MMP16: variants seen among roughly 807,000 people sequenced by gnomAD.
The protein encoded by MMP16 is matrix metalloproteinase-16.
MMP16 carries 12 observed loss-of-function variants against 67.8 expected under a neutral mutation model. The observed-to-expected ratio is 0.18, with a 90% CI of 0.11 to 0.29. MMP16 has a LOEUF of 0.29. Ranked by LOEUF, MMP16 falls within the 10% of genes least tolerant of loss-of-function variation. The probability of loss-of-function intolerance (pLI) is 1.00; values close to 1 mark genes in which losing one functional copy is unlikely to be tolerated. For missense variants in MMP16, 475 were observed against 765.7 expected (o/e 0.62, Z 4.48); for synonymous variants, 249 against 255.9 (o/e 0.97, Z 0.26).
intron 6 of MMP16, among the ~76,000 whole-genome samples, chr8:88,112,002 C>A (rs1455931080): frequency 6.6e-6 from 1 of 151,686 alleles, no homozygotes; most frequent in African/African-American, 2.4e-5. Context: ...TGATGAAATT[C>A]TTTCCTGACT....
At chr8:88,223,635 T>C (rs913883035) in intron 1 of MMP16, among the ~76,000 whole-genome samples, 13 of 134,856 alleles carry the variant, frequency 9.6e-5, no homozygotes, top group African/African-American at 3.7e-4. Context: ...AGGTGGGAAC[T>C]GAACAATGAA....
At chr8:88,078,706 A>G (rs1234974569) in intron 6 of MMP16, among the ~76,000 whole-genome samples, 2 of 152,160 alleles carry the variant, frequency 1.3e-5, no homozygotes, top group Non-Finnish European at 2.9e-5. Flanking sequence ...AAAACAAAAA[A>G]CAAAAAAACC....
intron 6 of MMP16, among the ~76,000 whole-genome samples, chr8:88,107,350 G>A (rs1485957553): frequency 3.3e-5 from 5 of 150,964 alleles, no homozygotes; most frequent in African/African-American, 7.3e-5. Context: ...CAAGTCTGGG[G>A]ACTTTCAGTG....
At chr8:88,195,479 G>A (rs1461568575) in intron 2 of MMP16, among the ~76,000 whole-genome samples, 3 of 152,120 alleles carry the variant, frequency 2.0e-5, no homozygotes, top group Non-Finnish European at 4.4e-5. Context: ...GAACAAGAAC[G>A]CTGTCCACAG....
intron 1 of MMP16, among the ~76,000 whole-genome samples, chr8:88,251,456 C>G (rs1349912889): frequency 1.4e-5 from 2 of 146,350 alleles, no homozygotes; most frequent in African/African-American, 5.3e-5. Flanking sequence ...AAAGCTAAAA[C>G]TGGATCCCTT....
chr8:88,054,692 A>G (rs1305352490), intron 8 of MMP16, among the ~76,000 whole-genome samples: 1 of 152,216 alleles, frequency 6.6e-6, no homozygotes, highest in Non-Finnish European at 1.5e-5. Context: ...CAGTTAGTAA[A>G]AGGATAAATT....
At chr8:88,297,082 C>T (rs1811025018) in intron 1 of MMP16, among the ~76,000 whole-genome samples, 1 of 151,952 alleles carries the variant, frequency 6.6e-6, no homozygotes, top group African/African-American at 2.4e-5. Context: ...TGTTTCACAG[C>T]TATATTTTAT....
chr8:88,084,474 A>G (rs1808801063), intron 6 of MMP16, among the ~76,000 whole-genome samples: 1 of 152,000 alleles, frequency 6.6e-6, no homozygotes, highest in Non-Finnish European at 1.5e-5. Context: ...GAGGAAAAAA[A>G]AAGAAAAGAG....
chr8:88,243,996 G>C (rs544443631), intron 1 of MMP16, among the ~76,000 whole-genome samples: 1 of 151,940 alleles, frequency 6.6e-6, no homozygotes, highest in East Asian at 1.9e-4. Context: ...TCAGTTACTG[G>C]AATTGTTTTT....
chr8:88,082,218 A>G (rs1205416611), intron 6 of MMP16, among the ~76,000 whole-genome samples: 5 of 151,876 alleles, frequency 3.3e-5, no homozygotes, highest in Non-Finnish European at 5.9e-5. Context: ...AACTTCACTC[A>G]TAAGTAAAAT....
intron 1 of MMP16, among the ~76,000 whole-genome samples, chr8:88,299,270 T>A (rs1024823364): frequency 1.3e-5 from 2 of 152,184 alleles, no homozygotes; most frequent in African/African-American, 4.8e-5. Context: ...CCTGGCTTCG[T>A]GCTTTTGTTT....
chr8:88,112,388 A>G (rs1563535267), intron 6 of MMP16, among the ~76,000 whole-genome samples: 1 of 151,666 alleles, frequency 6.6e-6, no homozygotes, highest in Non-Finnish European at 1.5e-5. Context: ...AAAATATTCA[A>G]TGTTCTTATC....
chr8:88,146,275 T>C (rs2118513886), intron 4 of MMP16, among the ~76,000 whole-genome samples: 1 of 152,110 alleles, frequency 6.6e-6, no homozygotes, highest in African/African-American at 2.4e-5. Context: ...ATACCTTATA[T>C]GTAAATTATA....
chr8:88,230,535 CTT>C (rs3060800), intron 1 of MMP16, among the ~76,000 whole-genome samples: 99,936 of 142,062 alleles, frequency 0.7, 35,539 homozygotes, highest in East Asian at 0.98. Flanking sequence ...GATCAATTTT[CTT>C]TTTTTTTTTT....
At chr8:88,277,726 TACTAAGCCTGC>T (rs1412649991) in intron 1 of MMP16, among the ~76,000 whole-genome samples, 1 of 152,220 alleles carries the variant, frequency 6.6e-6, no homozygotes. Flanking sequence ...TTTTGATCTC[TACTAAGCCTGC>T]ACTGTGTGTA....
At chr8:88,265,416 G>C (rs1368312099) in intron 1 of MMP16, among the ~76,000 whole-genome samples, 1 of 151,580 alleles carries the variant, frequency 6.6e-6, no homozygotes, top group Admixed American at 6.6e-5. Context: ...AGAATTCAGT[G>C]GTGAAAAAAA....
intron 1 of MMP16, among the ~76,000 whole-genome samples, chr8:88,207,181 AAAACTTAGGCACAC>A (rs1394028659): frequency 1.3e-5 from 2 of 152,230 alleles, no homozygotes; most frequent in East Asian, 3.8e-4. Flanking sequence ...AAAACGTATT[AAAACTTAGGCACAC>A]AAACACAGAC....
In MMP16 at chr8:88,124,514, T is replaced by A. The variant is rs143445804; in HGVS notation, c.710-5653A>T. ...TTAGTGTGCTAAGAAAACGCACTTCTCCACTTTTTCCGTAGCCCTAAACAT... is the reference window on the plus strand; with the variant it reads ...TTAGTGTGCTAAGAAAACGCACTTCACCACTTTTTCCGTAGCCCTAAACAT... On this transcript the variant is annotated intron_variant, in intron 4 of 9. Coordinates refer to ENST00000286614, the MANE Select transcript of MMP16 (RefSeq NM_005941.5). Among the ~76,000 whole-genome samples, 96 of 152,054 alleles carry A rather than the reference T, an allele frequency of 6.3e-4. 1 individual carries two copies. Among genetic ancestry groups the A allele is most frequent in the African/African-American group, 2.2e-3 (92 of 41,532 alleles).
chr8:88,070,309 T>A (rs1206045579), intron 7 of MMP16, among the ~76,000 whole-genome samples: 2 of 152,074 alleles, frequency 1.3e-5, no homozygotes, highest in African/African-American at 4.8e-5. Flanking sequence ...CTTTGAAGAT[T>A]TGTTAAGTGG....
Sources: allele counts gnomAD v4.1 joint callset (sites outside exome capture counted in the v4.1 genomes callset), GRCh38; gene constraint gnomAD v4.1.1; transcripts MANE v1.5; gene names NCBI Gene and HGNC (gene_info 2026-07-23, HGNC 2026-07-21).